The following CTIF variants were observed in gnomAD, a reference collection of about 807,000 sequenced individuals.
CTIF encodes the protein CBP80/20-dependent translation initiation factor.
Under a neutral mutation model 66.0 loss-of-function variants are expected in CTIF, and 21 were observed. The observed-to-expected ratio is 0.32, with a 90% confidence interval of 0.23 to 0.46. The LOEUF (loss-of-function observed/expected upper bound fraction) is 0.46. Ranked by LOEUF, CTIF falls within the 20% of genes least tolerant of loss-of-function variation. CTIF has a pLI of 1.00. For missense variants in CTIF, 739 were observed against 812.7 expected, an observed-to-expected ratio of 0.91 and a Z score of 1.10; for synonymous variants, 345 against 326.4, an observed-to-expected ratio of 1.06 and a Z score of -0.62.
intron 9 of CTIF, among the ~76,000 whole-genome samples, chr18:48,767,175 G>A (rs1909648501): frequency 6.6e-6 from 1 of 152,188 alleles, no homozygotes; most frequent in Admixed American, 6.5e-5. Flanking sequence ...AGAATGTGGG[G>A]TGCCCAGGGT....
At chr18:48,620,841 G>T (rs1382120458) in intron 2 of CTIF, among the ~76,000 whole-genome samples, 2 of 152,182 alleles carry the variant, frequency 1.3e-5, no homozygotes, top group Non-Finnish European at 2.9e-5. Flanking sequence ...GGGACCCCTA[G>T]CTTTTTAGAA....
At chr18:48,558,279 C>T (rs2089068639) in intron 1 of CTIF, among the ~76,000 whole-genome samples, 1 of 152,164 alleles carries the variant, frequency 6.6e-6, no homozygotes, top group Admixed American at 6.5e-5. Flanking sequence ...TTGTGATGTT[C>T]ACAAGTGAAG....
chr18:48,770,753 T>G lies in CTIF; in HGVS notation c.1371+9064T>G, dbSNP rs184284539. Among the ~76,000 whole-genome samples, 385 of 152,380 alleles carry G rather than the reference T, an allele frequency of 2.5e-3. 1 individual carries two copies. Among genetic ancestry groups the G allele is most frequent in the Non-Finnish European group, 4.6e-3 (314 of 68,036 alleles). ...ATCGATTGCTGCCTCGATGCTGATC[T>G]TGAGCATTTAAAACATGTCTCTGCA... On this transcript the variant is annotated intron_variant, in intron 9 of 11. Coordinates refer to ENST00000256413, the MANE Select transcript of CTIF (RefSeq NM_014772.3).
At chr18:48,727,950 AT>A (rs999924126) in intron 7 of CTIF, among the ~76,000 whole-genome samples, 2 of 151,694 alleles carry the variant, frequency 1.3e-5, no homozygotes, top group Non-Finnish European at 2.9e-5. Flanking sequence ...CAAGTCCTGG[AT>A]TTTTTTTTAT....
At chr18:48,548,877 C>T (rs1361551548) in intron 1 of CTIF, among the ~76,000 whole-genome samples, 2 of 152,210 alleles carry the variant, frequency 1.3e-5, no homozygotes, top group Non-Finnish European at 2.9e-5. Context: ...TGCCCATCTG[C>T]CCATCTTGCT....
intron 1 of CTIF, among the ~76,000 whole-genome samples, chr18:48,548,747 C>A (rs1027914161): frequency 6.6e-6 from 1 of 152,228 alleles, no homozygotes; most frequent in Non-Finnish European, 1.5e-5. Flanking sequence ...TATTGATTTG[C>A]CTTAATCCTT....
chr18:48,802,503 C>T (rs76242407), intron 9 of CTIF, among the ~76,000 whole-genome samples: 5,240 of 152,250 alleles, frequency 0.034, 310 homozygotes, highest in African/African-American at 0.12. Context: ...CAAAGAGCAC[C>T]AGGCCCAGGA....
intron 1 of CTIF, 98 bp from the exon 2 acceptor site, chr18:48,619,440 A>G (rs2090453208): frequency 2.6e-6 from 2 of 760,408 alleles, no homozygotes; most frequent in African/African-American, 1.8e-5. Context: ...ATGATGGATA[A>G]GAAGATGCTT....
intron 10 of CTIF, among the ~76,000 whole-genome samples, chr18:48,840,439 C>T (rs985706504): frequency 1.8e-4 from 28 of 152,214 alleles, no homozygotes; most frequent in African/African-American, 6.3e-4. Flanking sequence ...CCAAAAAGAT[C>T]ATCTCGACTT....
rs117929032 is a variant in CTIF, at chr18:48,776,889, C to T, written c.1371+15200C>T. ...GAGGTGCTCTGGGCTGCAGGAGATC[C>T]GGTGGGGAGCCCCAGCCCTGCCTTT... On this transcript the variant is annotated intron_variant, in intron 9 of 11. Transcript: ENST00000256413. Among the ~76,000 whole-genome samples, 40 of 152,320 alleles carry T rather than the reference C, an allele frequency of 2.6e-4. No homozygotes were observed. The East Asian group carries it at 6.8e-3, about 26-fold the overall frequency.
In CTIF at chr18:48,745,807, TG is replaced by T. The variant is rs765495639; in HGVS notation, c.585-12109del. Among the ~76,000 whole-genome samples the T allele has an allele frequency of 6.4e-4, 98 of 152,362 alleles. 1 individual carries two copies. Among genetic ancestry groups the T allele is most frequent in the Admixed American group, 1.6e-3 (25 of 15,310 alleles). ...CTGGGGAGCCATGTCCCAAGATGGC[TG>T]GGCTGGGGGTTCCACTATGCATGAA... is the stretch of plus-strand genomic sequence containing the variant. On this transcript the variant is annotated intron_variant, in intron 7 of 11. Coordinates refer to ENST00000256413, the MANE Select transcript of CTIF (RefSeq NM_014772.3).
chr18:48,805,027 C>G (rs2068116649), intron 9 of CTIF, among the ~76,000 whole-genome samples: 1 of 152,218 alleles, frequency 6.6e-6, no homozygotes, highest in Non-Finnish European at 1.5e-5. Flanking sequence ...ATTGCTAAAT[C>G]CTTTTCTGTA....
chr18:48,758,525 C>T lies in CTIF; in HGVS notation c.1071+120C>T, dbSNP rs547590105. 29 of 1,248,142 alleles carry T rather than the reference C, an allele frequency of 2.3e-5. No homozygotes were observed. The African/African-American group carries it at 3.8e-4, about 16-fold the overall frequency. 77.3% of individuals were successfully genotyped at this position (1,248,142 alleles called of 1,614,324 possible). ...GTTTGAGGGTCTAGGGAGCCATGTACAGGGAAGCAGGGGCTTCGGTCACTG... is the reference window on the plus strand; with the variant it reads ...GTTTGAGGGTCTAGGGAGCCATGTATAGGGAAGCAGGGGCTTCGGTCACTG... On this transcript the variant is annotated intron_variant, in intron 8 of 11. Coordinates refer to ENST00000256413, the MANE Select transcript of CTIF (RefSeq NM_014772.3).
chr18:48,680,409 G>A (rs1000731171), intron 6 of CTIF, among the ~76,000 whole-genome samples: 2 of 152,240 alleles, frequency 1.3e-5, no homozygotes, highest in Admixed American at 6.5e-5. Context: ...GTCTCAGCTG[G>A]GCCAAGGCCA....
chr18:48,642,335 G>A (rs1053726469), intron 3 of CTIF, among the ~76,000 whole-genome samples: 13 of 152,222 alleles, frequency 8.5e-5, no homozygotes, highest in African/African-American at 2.9e-4. Flanking sequence ...TGTGGGTAGG[G>A]AGGTGTCTTG....
Position 48,862,728 on chromosome 18 carries a change from T to G in CTIF, c.*3169T>G, listed in dbSNP as rs2069503446. The G allele has an allele frequency of 6.6e-6, 1 of 152,326 alleles. No individual in the cohort carries two copies. Among genetic ancestry groups the G allele is most frequent in the Non-Finnish European group, 1.5e-5 (1 of 68,048 alleles). The allele number at this position is 152,326 out of a possible 1,614,324, so 9.4% of individuals were successfully genotyped here. A position where few individuals can be genotyped will look rare whatever the true frequency, so the allele number is the denominator to read the frequency against. ...GGGGGTGTGGGAAGGGTACCACAGATCAGGCCGGGGCAGCTGTAGGGGCGG... is the reference window on the plus strand; with the variant it reads ...GGGGGTGTGGGAAGGGTACCACAGAGCAGGCCGGGGCAGCTGTAGGGGCGG... On this transcript the variant is annotated 3_prime_UTR_variant, in exon 12 of 12. Transcript: ENST00000256413.
intron 7 of CTIF, among the ~76,000 whole-genome samples, chr18:48,730,175 AGTGTGAGGGGCCCCCGAG>A (rs1395080059): frequency 1.3e-5 from 2 of 151,666 alleles, no homozygotes; most frequent in Non-Finnish European, 1.5e-5. Context: ...GGGCCTCCAC[AGTGTGAGGGGCCCCCGAG>A]GTGTGAGGGG....
intron 3 of CTIF, among the ~76,000 whole-genome samples, chr18:48,641,747 C>T (rs1420608247): frequency 6.6e-6 from 1 of 152,236 alleles, no homozygotes; most frequent in Non-Finnish European, 1.5e-5. Context: ...TTCTGTAACT[C>T]CGTGAAACAC....
At chr18:48,563,103 G>C (rs2089199264) in intron 1 of CTIF, among the ~76,000 whole-genome samples, 1 of 152,222 alleles carries the variant, frequency 6.6e-6, no homozygotes, top group Non-Finnish European at 1.5e-5. Context: ...GGAGCCTGGG[G>C]CTGCAGACCG....
Sources: allele counts gnomAD v4.1 joint callset (sites outside exome capture counted in the v4.1 genomes callset), GRCh38; gene constraint gnomAD v4.1.1; transcripts MANE v1.5; gene names NCBI Gene and HGNC (gene_info 2026-07-23, HGNC 2026-07-21).